The following GOLGA3 variants were observed in gnomAD, a reference collection of about 807,000 sequenced individuals.
The protein encoded by GOLGA3 is golgin subfamily A member 3.
A neutral mutation model predicts 169.4 loss-of-function variants in GOLGA3; 75 were observed. That is an observed-to-expected ratio of 0.44 (90% confidence interval 0.37 to 0.54). GOLGA3 has a LOEUF of 0.54. GOLGA3 is among the 20% of genes least tolerant of loss of function. GOLGA3 has a pLI of 0.00. For missense variants in GOLGA3, 1,899 were observed against 1,930.0 expected (o/e 0.98, Z 0.30); for synonymous variants, 824 against 822.4 (o/e 1.00, Z -0.03).
intron 23 of GOLGA3, 39 bp from the exon 24 acceptor site, chr12:132,773,333 A>C: frequency 1.5e-6 from 2 of 1,294,746 alleles, no homozygotes; most frequent in Non-Finnish European, 2.1e-6. Context: ...CAGATCACAC[A>C]AGTGCCAGGC....
chr12:132,773,428 CA>C, intron 23 of GOLGA3, 134 bp from the exon 24 acceptor site: 3 of 528,148 alleles, frequency 5.7e-6, no homozygotes, highest in Non-Finnish European at 3.3e-6. Flanking sequence ...CAACTGAGAC[CA>C]CAGAAGCTCA....
intron 15 of GOLGA3, among the ~76,000 whole-genome samples, chr12:132,784,709 ACAC>A (rs2045799809): frequency 1.4e-5 from 2 of 142,622 alleles, no homozygotes; most frequent in Admixed American, 6.9e-5. Context: ...CACATCCCAC[ACAC>A]CACACACACA....
chr12:132,776,734 A>C lies in GOLGA3; in HGVS notation c.3878T>G (p.Val1293Gly). 1 of 1,613,908 alleles carries C rather than the reference A, an allele frequency of 6.2e-7. No homozygotes were observed. The highest frequency in any genetic ancestry group is 8.5e-7 in the Non-Finnish European group (1 of 1,179,970). Residue 1293 changes from valine (V) to glycine (G), a missense_variant, in exon 21 of 24, where the codon GTG becomes GGG. Physicochemically the swap from Val to Gly is moderately radical, Grantham distance 109. Coordinates refer to ENST00000450791, the MANE Select transcript of GOLGA3 (RefSeq NM_001389683.1). ...CTGGATTTCTCTTTCTTTCTGATCC[A>C]CCTCCCATTTGAGATTTTCCATCTA... ...NQEMENLKWE[V>G]DQKEREIQSL...
chr12:132,793,772 G>C (rs1020611762), intron 11 of GOLGA3, among the ~76,000 whole-genome samples: 2 of 152,190 alleles, frequency 1.3e-5, no homozygotes, highest in African/African-American at 4.8e-5. Context: ...CCACGGCACA[G>C]GACCTGCACT....
intron 8 of GOLGA3, among the ~76,000 whole-genome samples, chr12:132,800,354 C>T (rs1041868937): frequency 1.3e-5 from 2 of 152,022 alleles, no homozygotes; most frequent in African/African-American, 2.4e-5. Context: ...ATTAGCCGGG[C>T]ATGGTGGCGG....
At chr12:132,775,381 A>T (rs1037184133) in intron 21 of GOLGA3, 76 bp from the exon 22 acceptor site, 48 of 1,344,824 alleles carry the variant, frequency 3.6e-5, no homozygotes, top group Middle Eastern at 1.9e-4. Context: ...TTGTATTTTC[A>T]TAGGTTAAGC....
rs1396628446 is a variant in GOLGA3 at position 132,769,318 on chromosome 12, A to G, written c.*3787T>C. ...GATTTGCTGGTCCCTCCCCTCCTAG[A>G]ATCTTCACGTACAACATTCTGTTTT... is the stretch of plus-strand genomic sequence containing the variant. On this transcript the variant is annotated 3_prime_UTR_variant, in exon 24 of 24. Coordinates refer to ENST00000450791, the MANE Select transcript of GOLGA3 (RefSeq NM_001389683.1). The G allele has an allele frequency of 6.6e-6, 1 of 152,204 alleles. No individual in the cohort carries two copies. Among genetic ancestry groups the G allele is most frequent in the African/African-American group, 2.4e-5 (1 of 41,430 alleles). The allele number at this position is 152,204 out of a possible 1,614,324, so 9.4% of individuals were successfully genotyped here. A position where few individuals can be genotyped will look rare whatever the true frequency, so the allele number is the denominator to read the frequency against.
At chr12:132,773,436 C>CAA in intron 23 of GOLGA3, 142 bp from the exon 24 acceptor site, 1 of 435,086 alleles carries the variant, frequency 2.3e-6, no homozygotes, top group Non-Finnish European at 4.0e-6. Context: ...ACCACAGAAG[C>CAA]TCAGCTGTTC....
intron 3 of GOLGA3, 41 bp downstream of exon 3, chr12:132,816,499 C>A (rs193261674): frequency 6.6e-5 from 106 of 1,594,856 alleles, no homozygotes; most frequent in Non-Finnish European, 8.4e-5. Context: ...CTGAGCGACG[C>A]GGACGTGGAG....
rs750310881 is a variant in GOLGA3 at position 132,807,283 on chromosome 12, G to C, written c.1184C>G (p.Ser395Cys). ...TGTTTCTGCTGCAGAGCTCTCCAAG[G>C]ACACGCTGGGGACAAAGGCACGGGT... ...SRRDSICSSV[S>C]LESSAAETQE... Residue 395 changes from serine (S) to cysteine (C), a missense_variant, in exon 6 of 24, where the codon TCC (serine) becomes TGC (cysteine). Ser to Cys is a moderately radical substitution (Grantham distance 112, BLOSUM62 -1). Coordinates refer to ENST00000450791, the MANE Select transcript of GOLGA3 (RefSeq NM_001389683.1). 8 of 1,553,246 alleles carry C rather than the reference G, an allele frequency of 5.2e-6. No individual in the cohort carries two copies. The South Asian group carries it at 9.4e-5, about 18-fold the overall frequency.
chr12:132,786,840 T>TC, intron 13 of GOLGA3, 53 bp from the exon 14 acceptor site: 1 of 1,238,774 alleles, frequency 8.1e-7, no homozygotes, highest in Non-Finnish European at 1.2e-6. Context: ...CCAGCCTGTC[T>TC]CCCCTTCCTG....
rs1220871189 is a variant in GOLGA3 at position 132,786,750 on chromosome 12, G to A, written c.2849C>T (p.Thr950Ile). Residue 950 changes from threonine (T) to isoleucine (I), a missense_variant, in exon 14 of 24, where the codon ACA (threonine) becomes ATA (isoleucine). Coordinates refer to ENST00000450791, the MANE Select transcript of GOLGA3 (RefSeq NM_001389683.1). ...QFDKEQMVAV[T>I]EANEALKKQI... ...TTTCTTCAGCGCCTCATTGGCCTCT[G>A]TGACCGCGACCATCTGCTCCTTATC... is the stretch of plus-strand genomic sequence containing the variant. 1 of 1,611,986 alleles carries A rather than the reference G, an allele frequency of 6.2e-7. No individual in the cohort carries two copies. Among genetic ancestry groups the A allele is most frequent in the Non-Finnish European group, 8.5e-7 (1 of 1,179,656 alleles).
At chr12:132,773,425 G>T in intron 23 of GOLGA3, 131 bp from the exon 24 acceptor site, 6 of 529,952 alleles carry the variant, frequency 1.1e-5, no homozygotes, top group Admixed American at 3.6e-5. Flanking sequence ...AACCAACTGA[G>T]ACCACAGAAG....
intron 7 of GOLGA3, among the ~76,000 whole-genome samples, chr12:132,802,777 C>T (rs10735670): frequency 0.35 from 53,643 of 151,980 alleles, 10,268 homozygotes; most frequent in East Asian, 0.52. Context: ...CAGTGTTGGC[C>T]GGGCACAGTG....
chr12:132,773,445 T>A, intron 23 of GOLGA3, 151 bp from the exon 24 acceptor site: 2 of 414,648 alleles, frequency 4.8e-6, no homozygotes, highest in Non-Finnish European at 4.2e-6. Flanking sequence ...GCTCAGCTGT[T>A]CTCAGCACCG....
intron 14 of GOLGA3, 59 bp from the exon 15 acceptor site, chr12:132,786,614 G>A (rs1224030002): frequency 1.7e-5 from 27 of 1,591,918 alleles, no homozygotes; most frequent in Non-Finnish European, 2.2e-5. Context: ...TGACCGTCTG[G>A]CATTCTGGTT....
In GOLGA3 at chr12:132,796,066, G is replaced by T; in HGVS notation, c.2255C>A (p.Ala752Asp). ...CTCGCCCTGCAGCTCCCCCAGCCTG[G>T]CCTGCAGCTCATCGTAGTGTGTCTG... ...ALQTHYDELQ[A>D]RLGELQGEAA... Residue 752 changes from alanine to aspartate, a missense_variant, in exon 11 of 24, where the codon GCC (alanine) becomes GAC (aspartate). Physicochemically the swap from Ala to Asp is moderately radical, Grantham distance 126. Coordinates refer to ENST00000450791, the MANE Select transcript of GOLGA3 (RefSeq NM_001389683.1). 1 of 1,612,714 alleles carries T rather than the reference G, an allele frequency of 6.2e-7. No individual in the cohort carries two copies.
chr12:132,815,557 T>C, intron 3 of GOLGA3, among the ~76,000 whole-genome samples: 1 of 152,232 alleles, frequency 6.6e-6, no homozygotes, highest in Non-Finnish European at 1.5e-5. Flanking sequence ...ATTTCAGTAA[T>C]TTAGGGTTTT....
At chr12:132,797,479 G>A (rs765702204) in intron 9 of GOLGA3, among the ~76,000 whole-genome samples, 3 of 152,232 alleles carry the variant, frequency 2.0e-5, no homozygotes, top group Non-Finnish European at 4.4e-5. Flanking sequence ...GGGAGGCCGA[G>A]GCAGGCGGAT....
Sources: allele counts gnomAD v4.1 joint callset (sites outside exome capture counted in the v4.1 genomes callset), GRCh38; gene constraint gnomAD v4.1.1; transcripts MANE v1.5; gene names NCBI Gene and HGNC (gene_info 2026-07-23, HGNC 2026-07-21).